Variants in DNER observed in about 807,000 individuals in gnomAD.
The protein encoded by DNER is delta/notch like EGF repeat containing.
Under a neutral mutation model 78.2 loss-of-function variants are expected in DNER, and 33 were observed. The ratio of observed to expected loss-of-function variants is 0.42; its 90% CI spans 0.32 to 0.56. DNER has a LOEUF of 0.56. DNER is among the 20% of genes least tolerant of loss of function. The pLI is 0.11. For missense variants in DNER, 918 were observed against 975.3 expected, an observed-to-expected ratio of 0.94 and a Z score of 0.78; for synonymous variants, 417 against 384.8, an observed-to-expected ratio of 1.08 and a Z score of -0.98.
At chr2:229,657,049 T>C (rs1158922339) in intron 1 of DNER, among the ~76,000 whole-genome samples, 1 of 150,724 alleles carries the variant, frequency 6.6e-6, no homozygotes, top group Non-Finnish European at 1.5e-5. Context: ...TTAGCACATT[T>C]CAAGTAAACA....
intron 7 of DNER, among the ~76,000 whole-genome samples, chr2:229,461,673 G>C (rs1212694928): frequency 6.6e-6 from 1 of 152,000 alleles, no homozygotes; most frequent in Admixed American, 6.6e-5. Context: ...ATAATATACA[G>C]TCCTAACTGG....
chr2:229,434,983 T>G (rs1694091422), intron 8 of DNER, among the ~76,000 whole-genome samples: 1 of 150,864 alleles, frequency 6.6e-6, no homozygotes, highest in Non-Finnish European at 1.5e-5. Flanking sequence ...TCACATCACA[T>G]TCTTCACATA....
chr2:229,555,447 G>C (rs1696838894), intron 4 of DNER, among the ~76,000 whole-genome samples: 1 of 152,122 alleles, frequency 6.6e-6, no homozygotes, highest in Non-Finnish European at 1.5e-5. Flanking sequence ...TACAGCCATT[G>C]AGATCCAGCT....
At chr2:229,697,301 T>A (rs560954927) in intron 1 of DNER, among the ~76,000 whole-genome samples, 58 of 152,166 alleles carry the variant, frequency 3.8e-4, no homozygotes, top group Middle Eastern at 6.8e-3. Flanking sequence ...AATAAGTAAA[T>A]CCATGGAGAC....
At chr2:229,550,275 G>A (rs551826076) in intron 4 of DNER, among the ~76,000 whole-genome samples, 102 of 152,164 alleles carry the variant, frequency 6.7e-4, no homozygotes, top group African/African-American at 2.4e-3. Context: ...TTACAGGCAG[G>A]AGCCACCATG....
chr2:229,660,478 T>A (rs116295634), intron 1 of DNER, among the ~76,000 whole-genome samples: 1,700 of 152,312 alleles, frequency 0.011, 35 homozygotes, highest in African/African-American at 0.039. Flanking sequence ...CTGCAGAGTA[T>A]TCCATAGTGT....
chr2:229,513,004 C>T, intron 5 of DNER, 68 bp from the exon 6 acceptor site: 1 of 1,507,632 alleles, frequency 6.6e-7, no homozygotes, highest in East Asian at 2.4e-5. Flanking sequence ...GGCTGTGAGA[C>T]TCAAAGTTTG....
At chr2:229,670,307 G>A (rs1057176469) in intron 1 of DNER, among the ~76,000 whole-genome samples, 2 of 152,324 alleles carry the variant, frequency 1.3e-5, no homozygotes, top group African/African-American at 4.8e-5. Flanking sequence ...CGAGGCAAAC[G>A]AGTCCCTGCC....
At chr2:229,559,526 C>A (rs761335796) in intron 4 of DNER, among the ~76,000 whole-genome samples, 1 of 152,002 alleles carries the variant, frequency 6.6e-6, no homozygotes, top group Non-Finnish European at 1.5e-5. Context: ...CCTTTGGCAA[C>A]GTTAGCATGG....
chr2:229,434,436 G>A (rs1009700294), intron 8 of DNER, among the ~76,000 whole-genome samples: 33 of 152,198 alleles, frequency 2.2e-4, no homozygotes, highest in Non-Finnish European at 4.1e-4. Flanking sequence ...CAGGACTTCA[G>A]CTAAAGAATT....
intron 5 of DNER, among the ~76,000 whole-genome samples, chr2:229,519,913 C>T (rs1044193405): frequency 6.6e-6 from 1 of 152,134 alleles, no homozygotes; most frequent in African/African-American, 2.4e-5. Context: ...ATTCTAAGTT[C>T]CTGTAATCTG....
chr2:229,648,006 CT>C (rs531097860), intron 1 of DNER, among the ~76,000 whole-genome samples: 2 of 152,158 alleles, frequency 1.3e-5, no homozygotes, highest in African/African-American at 4.8e-5. Flanking sequence ...GAGAAAACAA[CT>C]AAAGAAATAG....
chr2:229,686,173 T>G (rs987172814), intron 1 of DNER, among the ~76,000 whole-genome samples: 7 of 152,088 alleles, frequency 4.6e-5, no homozygotes, highest in African/African-American at 1.7e-4. Flanking sequence ...AAAGTCACAT[T>G]TAGTCAGGCA....
chr2:229,478,396 C>A (rs1695081997), intron 6 of DNER, among the ~76,000 whole-genome samples: 1 of 152,246 alleles, frequency 6.6e-6, no homozygotes, highest in East Asian at 1.9e-4. Flanking sequence ...CAATTACCTG[C>A]CAAATAGATT....
At chr2:229,626,984 G>T (rs1337747357) in intron 1 of DNER, among the ~76,000 whole-genome samples, 1 of 152,220 alleles carries the variant, frequency 6.6e-6, no homozygotes, top group Non-Finnish European at 1.5e-5. Flanking sequence ...GGAAAACTGA[G>T]GTCAAGGGAT....
rs750890860 is a variant in DNER at position 229,622,482 on chromosome 2, G to T, written c.277-30594C>A. ...AAGCTTGAGTCTTTTCTGCCCTGCG[G>T]GTCTTTGAACTTGATCCCCCCTCAG... On this transcript the variant is annotated intron_variant, in intron 1 of 12. Coordinates refer to ENST00000341772, the MANE Select transcript of DNER (RefSeq NM_139072.4). Among the ~76,000 whole-genome samples the T allele has an allele frequency of 5.9e-5, 9 of 152,008 alleles. 1 individual carries two copies. The highest frequency in any genetic ancestry group is 2.6e-4 in the Admixed American group (4 of 15,262).
intron 1 of DNER, among the ~76,000 whole-genome samples, chr2:229,614,154 G>C (rs1227924947): frequency 2.0e-5 from 3 of 150,728 alleles, no homozygotes; most frequent in Non-Finnish European, 4.4e-5. Flanking sequence ...TTGTGCACAT[G>C]TACCCTAAAA....
chr2:229,366,661 A>G (rs1301759992), intron 12 of DNER, among the ~76,000 whole-genome samples: 1 of 152,248 alleles, frequency 6.6e-6, no homozygotes, highest in African/African-American at 2.4e-5. Flanking sequence ...TTCAATGTAA[A>G]CAAAACAAAG....
chr2:229,459,971 C>T (rs769840484), intron 7 of DNER, among the ~76,000 whole-genome samples: 15 of 151,872 alleles, frequency 9.9e-5, no homozygotes, highest in Non-Finnish European at 1.0e-4. Context: ...TCCTGTCTAA[C>T]ATGGTGAAAC....
Sources: allele counts gnomAD v4.1 joint callset (sites outside exome capture counted in the v4.1 genomes callset), GRCh38; gene constraint gnomAD v4.1.1; transcripts MANE v1.5; gene names NCBI Gene and HGNC (gene_info 2026-07-23, HGNC 2026-07-21).